The following DAAM2 variants were observed in gnomAD, a reference collection of about 807,000 sequenced individuals.
DAAM2 encodes disheveled-associated activator of morphogenesis 2.
A neutral mutation model predicts 120.7 loss-of-function variants in DAAM2; 39 were observed. That is an observed-to-expected ratio of 0.32 (90% CI 0.25 to 0.42). DAAM2 has a LOEUF of 0.42. Among genes scored for constraint, DAAM2 ranks in the 10% least tolerant of loss-of-function variants. DAAM2 has a pLI of 1.00. For missense variants in DAAM2, 1,283 were observed against 1,401.7 expected, an observed-to-expected ratio of 0.92 and a Z score of 1.35; for synonymous variants, 488 against 524.9, an observed-to-expected ratio of 0.93 and a Z score of 0.96.
intron 1 of DAAM2, among the ~76,000 whole-genome samples, chr6:39,810,138 C>A (rs1487330131): frequency 6.6e-6 from 1 of 152,170 alleles, no homozygotes; most frequent in African/African-American, 2.4e-5. Context: ...CCATACACAT[C>A]AAAATTCTGT....
In DAAM2 at chr6:39,873,245, T is replaced by A; in HGVS notation, c.1052T>A (p.Ile351Asn). Residue 351 changes from isoleucine to asparagine, a missense_variant, in exon 10 of 25, where the codon ATC becomes AAC. By Grantham distance (149) the Ile-to-Asn change is moderately radical. Around this residue, in one of 3 missense-constraint regions of DAAM2, gnomAD observed 338 missense variants for 443.9 expected, o/e 0.76. Transcript: ENST00000274867. ...TGCCCTCTTCTCTCCCAGGTCCACA[T>A]CGACACCAAGAGTGCTTCCCAGATG... ...ELARRFDMVH[I>N]DTKSASQMFE... The A allele has an allele frequency of 6.2e-7, 1 of 1,610,948 alleles. No homozygotes were observed. The highest frequency in any genetic ancestry group is 2.2e-5 in the East Asian group (1 of 44,838).
In DAAM2 at chr6:39,878,992, G is replaced by A. The variant is rs1036387500; in HGVS notation, c.1546-186G>A. On this transcript the variant is annotated intron_variant, in intron 13 of 24. Coordinates refer to ENST00000274867, the MANE Select transcript of DAAM2 (RefSeq NM_001201427.2). The surrounding 1 kb of genome is among the most constrained non-coding windows in gnomAD (Gnocchi z 5.0). ...GTGTGTGTCTGTGGTGGTGGTGTGT[G>A]TGTGTTTGCGTGTGTTAGATGTTTG... Among the ~76,000 whole-genome samples the A allele has an allele frequency of 6.6e-6, 1 of 152,116 alleles. No homozygotes were observed. Among genetic ancestry groups the A allele is most frequent in the Admixed American group, 6.5e-5 (1 of 15,270 alleles).
chr6:39,904,809 C>A lies in DAAM2; in HGVS notation c.*2772C>A, dbSNP rs752370216. ...TCTACAGTGTCCTTTTTCACTTGCACCTTTTTTATAAGAATATATTGTAAT... is the reference window on the plus strand; with the variant it reads ...TCTACAGTGTCCTTTTTCACTTGCAACTTTTTTATAAGAATATATTGTAAT... On this transcript the variant is annotated 3_prime_UTR_variant, in exon 25 of 25. Coordinates refer to ENST00000274867, the MANE Select transcript of DAAM2 (RefSeq NM_001201427.2). The A allele has an allele frequency of 5.3e-5, 24 of 454,056 alleles. No individual in the cohort carries two copies. The highest frequency in any genetic ancestry group is 6.9e-4 in the Middle Eastern group (1 of 1,444). The allele number at this position is 454,056 out of a possible 1,614,324, so 28.1% of individuals were successfully genotyped here. A position where few individuals can be genotyped will look rare whatever the true frequency, so the allele number is the denominator to read the frequency against.
intron 1 of DAAM2, among the ~76,000 whole-genome samples, chr6:39,828,808 G>A (rs145889867): frequency 0.016 from 2,460 of 151,218 alleles, 40 homozygotes; most frequent in Admixed American, 0.026. Context: ...TGATCTGCCC[G>A]CCTCTGCCTC....
rs1245703784 is a variant in DAAM2, at chr6:39,904,372, T to C, written c.*2335T>C. On this transcript the variant is annotated 3_prime_UTR_variant, in exon 25 of 25. Coordinates refer to ENST00000274867, the MANE Select transcript of DAAM2 (RefSeq NM_001201427.2). ...AGTGCCTTGGACCATGGACTCATAC[T>C]CAACTGAGTAAGAAGGGGCTGGTGC... The C allele has an allele frequency of 2.2e-6, 1 of 456,640 alleles. No homozygotes were observed. Among genetic ancestry groups the C allele is most frequent in the East Asian group, 6.9e-5 (1 of 14,398 alleles). The allele number at this position is 456,640 out of a possible 1,614,324, so 28.3% of individuals were successfully genotyped here. A position where few individuals can be genotyped will look rare whatever the true frequency, so the allele number is the denominator to read the frequency against.
Position 39,901,858 on chromosome 6 carries a change from G to T in DAAM2, c.3028G>T (p.Val1010Phe). 1.3e-6 allele frequency: 2 copies of T among 1,586,338 alleles called. No individual in the cohort carries two copies. Residue 1010 changes from valine to phenylalanine, a missense_variant, in exon 25 of 25, where the codon GTC (valine) becomes TTC (phenylalanine). Transcript: ENST00000274867. This position sits in a 1 kb window ranked among gnomAD's most constrained non-coding sequence, Gnocchi z 4.5. ...ERERWQRQRK[V>F]LAAGSSLEEG... ...TGAGCGGTGGCAGCGGCAGCGGAAGGTCCTGGCTGCAGGCAGCTCGCTGGA... is the reference window on the plus strand; with the variant it reads ...TGAGCGGTGGCAGCGGCAGCGGAAGTTCCTGGCTGCAGGCAGCTCGCTGGA...
rs1047541318 is a variant in DAAM2, at chr6:39,900,095, C to T, written c.2698C>T (p.Arg900Cys). 40 of 1,600,134 alleles carry T rather than the reference C, an allele frequency of 2.5e-5. No individual in the cohort carries two copies. The highest frequency in any genetic ancestry group is 3.0e-5 in the Non-Finnish European group (35 of 1,173,560). The change falls in exon 23 of 25, where the codon CGC becomes TGC. Residue 900 changes from arginine (R) to cysteine (C), a missense_variant. Coordinates refer to ENST00000274867, the MANE Select transcript of DAAM2 (RefSeq NM_001201427.2). The part of the protein sequence containing the change: ...AVEVELEYQR[R>C]QVREPSDKFV... ...TCCTCAGGAGCTGGAGTATCAGAGG[C>T]GCCAGGTACGGGAGCCCAGTGACAA...
At position 39,891,710 on chromosome 6, in the gene DAAM2, C is replaced by T; in HGVS notation, c.2329C>T (p.Pro777Ser). The T allele has an allele frequency of 6.2e-7, 1 of 1,602,844 alleles. No individual in the cohort carries two copies. The highest frequency in any genetic ancestry group is 8.5e-7 in the Non-Finnish European group (1 of 1,174,752). ...CCAGGAGCGGCTGGCTGAGGCAAAG[C>T]CCAAAGTGGAAGGTAGGGCTGAGGG... ...KFQERLAEAK[P>S]KVEAILLASR... The change falls in exon 19 of 25, where the codon CCC (proline) becomes TCC (serine). Residue 777 changes from proline to serine, a missense_variant. Around this residue, in one of 3 missense-constraint regions of DAAM2, gnomAD observed 748 missense variants for 768.6 expected, o/e 0.97. Coordinates refer to ENST00000274867, the MANE Select transcript of DAAM2 (RefSeq NM_001201427.2).
chr6:39,838,656 T>C (rs1582650225), intron 1 of DAAM2, among the ~76,000 whole-genome samples: 1 of 152,116 alleles, frequency 6.6e-6, no homozygotes, highest in African/African-American at 2.4e-5. Context: ...GGACTTTCTT[T>C]TTTCTTTTTC....
At chr6:39,871,842 G>A (rs989564058) in intron 9 of DAAM2, among the ~76,000 whole-genome samples, 3 of 152,192 alleles carry the variant, frequency 2.0e-5, no homozygotes, top group East Asian at 1.9e-4. Flanking sequence ...ATGACAGGTC[G>A]GAGTTATTGC....
chr6:39,883,900 T>A, intron 14 of DAAM2, 62 bp from the exon 15 acceptor site: 1 of 1,064,828 alleles, frequency 9.4e-7, no homozygotes, highest in Non-Finnish European at 1.4e-6. Flanking sequence ...TAGGGAGGCA[T>A]GGAGCATCTT....
rs137896246 is a variant in DAAM2, at chr6:39,840,104, A to G, written c.-56-16143A>G. ...TAGCCAGGTGTGATGGTGCATGGCT[A>G]TAGTCCCAGCTACTCGGGAGGCTGA... is the stretch of plus-strand genomic sequence containing the variant. On this transcript the variant is annotated intron_variant, in intron 1 of 24. Transcript: ENST00000274867. Among the ~76,000 whole-genome samples the G allele has an allele frequency of 9.3e-3, 1,412 of 152,248 alleles. 14 individuals are homozygous for G. The highest frequency in any genetic ancestry group is 0.041 in the Middle Eastern group (12 of 294).
chr6:39,900,001 G>A (rs1209428282), intron 22 of DAAM2, 76 bp from the exon 23 acceptor site: 4 of 1,483,194 alleles, frequency 2.7e-6, no homozygotes, highest in African/African-American at 1.4e-5. Flanking sequence ...TGAGTGACGA[G>A]GGGAGATGTG....
rs774209641 is a variant in DAAM2, at chr6:39,856,396, C to A, written c.94C>A (p.Pro32Thr). 3 of 1,551,738 alleles carry A rather than the reference C, an allele frequency of 1.9e-6. No homozygotes were observed. The highest frequency in any genetic ancestry group is 1.9e-5 in the Admixed American group (1 of 51,452). ...IPEINLRDNH[P>T]LQFMEFSSPI... ...CGAAATCAACCTCCGGGACAACCAC[C>A]CTCTGCAGTTCATGGAGTTCTCCAG... Residue 32 changes from proline (P) to threonine (T), a missense_variant, in exon 2 of 25, where the codon CCT becomes ACT. By Grantham distance (38) the Pro-to-Thr change is conservative (BLOSUM62 -1). Around this residue, in one of 3 missense-constraint regions of DAAM2, gnomAD observed 197 missense variants for 189.3 expected, o/e 1.04. Transcript: ENST00000274867.
chr6:39,813,146 TTGTG>T (rs143725882), intron 1 of DAAM2, among the ~76,000 whole-genome samples: 12 of 149,314 alleles, frequency 8.0e-5, no homozygotes, highest in Admixed American at 2.7e-4. Flanking sequence ...AAGAGGCAGA[TTGTG>T]TGTGTGTGTG....
At chr6:39,834,130 T>G (rs1353398732) in intron 1 of DAAM2, among the ~76,000 whole-genome samples, 2 of 152,334 alleles carry the variant, frequency 1.3e-5, no homozygotes, top group South Asian at 2.1e-4. Context: ...TGACGTGTGA[T>G]GTAGCGCCTT....
At chr6:39,828,888 G>A (rs1762778091) in intron 1 of DAAM2, among the ~76,000 whole-genome samples, 1 of 152,058 alleles carries the variant, frequency 6.6e-6, no homozygotes, top group African/African-American at 2.4e-5. Context: ...TTCCCAAAAG[G>A]CCCCACCCTT....
At position 39,901,609 on chromosome 6, in the gene DAAM2, GGA is replaced by G. The variant is rs1170431194; in HGVS notation, c.2982+144_2982+145del. ...CCATAGGGGTTGGATGTCAGCCCCA[GGA>G]GAGAGAAACTTCTTCCCAGCCTGAG... On this transcript the variant is annotated intron_variant, in intron 24 of 24. Coordinates refer to ENST00000274867, the MANE Select transcript of DAAM2 (RefSeq NM_001201427.2). The surrounding 1 kb of genome is among the most constrained non-coding windows in gnomAD (Gnocchi z 4.5). The G allele has an allele frequency of 5.4e-6, 6 of 1,104,516 alleles. No homozygotes were observed. The Admixed American group carries it at 8.5e-5, about 16-fold the overall frequency. The allele number at this position is 1,104,516 out of a possible 1,614,324, so 68.4% of individuals were successfully genotyped here.
intron 1 of DAAM2, among the ~76,000 whole-genome samples, chr6:39,817,750 G>C (rs1320985851): frequency 6.6e-6 from 1 of 152,204 alleles, no homozygotes; most frequent in Non-Finnish European, 1.5e-5. Flanking sequence ...TAGGGGTAGA[G>C]TTCCCTTCAT....
Sources: gnomAD v4.1 joint callset for allele counts (sites outside exome capture counted in the v4.1 genomes callset) on GRCh38, gnomAD v4.1.1 for gene constraint, gnomAD v4.1.1 regional missense constraint, Gnocchi (gnomAD v3.1) non-coding constraint, MANE v1.5 for transcripts, NCBI Gene and HGNC (gene_info 2026-07-23, HGNC 2026-07-21) for gene names.